The following PIEZO2 variants were observed in gnomAD, a reference collection of about 807,000 sequenced individuals.
The protein encoded by PIEZO2 is piezo type mechanosensitive ion channel component 2, also known as piezo-type mechanosensitive ion channel component 2.
In PIEZO2, 172 loss-of-function variants were observed where a neutral mutation model predicts 337.3. The ratio of observed to expected loss-of-function variants is 0.51; its 90% CI spans 0.45 to 0.58. The LOEUF (loss-of-function observed/expected upper bound fraction) is 0.58, where lower values mean the gene tolerates loss of function less well. Ranked by LOEUF, PIEZO2 falls within the 20% of genes least tolerant of loss-of-function variation. The pLI is 0.00. For synonymous variants in PIEZO2, 1,251 were observed against 1,228.5 expected, an observed-to-expected ratio of 1.02 and a Z score of -0.38; for missense variants, 3,028 against 3,391.3, an observed-to-expected ratio of 0.89 and a Z score of 2.66.
Position 11,106,418 on chromosome 18 carries a change from C to CT in PIEZO2, c.65-40197dup, listed in dbSNP as rs539595699. On this transcript the variant is annotated intron_variant, in intron 1 of 55. Coordinates refer to ENST00000674853, the MANE Select transcript of PIEZO2 (RefSeq NM_001378183.1). ...CGGCCCATTTTTTTCTTTCCTCTCT[C>CT]TTTTTTTTTTTTTTTTTCTGAGACA... 7.2e-3 allele frequency among the ~76,000 whole-genome samples: 935 copies of CT among 129,586 alleles called. 19 individuals carry two copies. The highest frequency in any genetic ancestry group is 0.018 in the South Asian group (73 of 4,118). 85.0% of individuals were successfully genotyped at this position (129,586 alleles called of 152,430 possible). A position where few individuals can be genotyped will look rare whatever the true frequency, so the allele number is the denominator to read the frequency against.
intron 35 of PIEZO2, among the ~76,000 whole-genome samples, chr18:10,731,815 C>G (rs2036799786): frequency 6.6e-6 from 1 of 152,202 alleles, no homozygotes; most frequent in South Asian, 2.1e-4. Context: ...ATACTTATTA[C>G]TGATGCTTTT....
chr18:11,038,532 T>C lies in PIEZO2; in HGVS notation c.160+27595A>G, dbSNP rs2037002796. Among the ~76,000 whole-genome samples the C allele has an allele frequency of 1.3e-5, 2 of 152,146 alleles. No homozygotes were observed. The highest frequency in any genetic ancestry group is 2.1e-4 in the South Asian group (1 of 4,832). On this transcript the variant is annotated intron_variant, in intron 2 of 55. Coordinates refer to ENST00000674853, the MANE Select transcript of PIEZO2 (RefSeq NM_001378183.1). The surrounding 1 kb of genome is among the most constrained non-coding windows in gnomAD (Gnocchi z 4.1). ...ACACCCATTGAGATATGGGAGGCAG[T>C]ACTCCTCCTGCAAACCCCTGGATGA... is the stretch of plus-strand genomic sequence containing the variant.
rs183167814 is a variant in PIEZO2 at position 11,081,781 on chromosome 18, A to T, written c.65-15559T>A. On this transcript the variant is annotated intron_variant, in intron 1 of 55. Transcript: ENST00000674853. ...CAACTTTTTTTTTTTTTTTTTTGAG[A>T]TGGAGTCTTGCTCTGTCGCCCAGGC... is the stretch of plus-strand genomic sequence containing the variant. 1.7e-3 allele frequency among the ~76,000 whole-genome samples: 251 copies of T among 145,544 alleles called. 1 individual carries two copies. Among genetic ancestry groups the T allele is most frequent in the Middle Eastern group, 3.6e-3 (1 of 278 alleles).
At chr18:10,946,578 T>A (rs943671928) in intron 3 of PIEZO2, among the ~76,000 whole-genome samples, 1 of 152,158 alleles carries the variant, frequency 6.6e-6, no homozygotes, top group Non-Finnish European at 1.5e-5. Context: ...TAAGACAGTG[T>A]CATCAGGGTT....
intron 53 of PIEZO2, among the ~76,000 whole-genome samples, chr18:10,675,502 T>C (rs762457044): frequency 2.6e-5 from 4 of 152,232 alleles, no homozygotes; most frequent in African/African-American, 9.6e-5. Context: ...TGTATCTGCA[T>C]GTAAGTCTGT....
rs566587931 is a variant in PIEZO2, at chr18:10,863,510, G to A, written c.493-6299C>T. On this transcript the variant is annotated intron_variant, in intron 5 of 55. Transcript: ENST00000674853. The surrounding 1 kb of genome is among the most constrained non-coding windows in gnomAD (Gnocchi z 4.3). ...TACAAAGCAATGAAAGTTTAATAAA[G>A]AACAGGGAAGGACAAACTGAATCAG... 2.0e-5 allele frequency among the ~76,000 whole-genome samples: 3 copies of A among 152,258 alleles called. No homozygotes were observed. In the East Asian group the frequency reaches 5.8e-4, roughly 29 times the overall value.
At chr18:11,045,559 A>G (rs893539428) in intron 2 of PIEZO2, among the ~76,000 whole-genome samples, 1 of 152,152 alleles carries the variant, frequency 6.6e-6, no homozygotes, top group Non-Finnish European at 1.5e-5. Flanking sequence ...AGATGAACGG[A>G]CACTTGTTTA....
At chr18:11,036,442 A>C (rs2036926864) in intron 2 of PIEZO2, among the ~76,000 whole-genome samples, 1 of 152,136 alleles carries the variant, frequency 6.6e-6, no homozygotes, top group Admixed American at 6.5e-5. Context: ...TCCCCCGGTA[A>C]AGCTGCAAGA....
Position 10,715,862 on chromosome 18 carries a change from T to C in PIEZO2, c.5090-46A>G, listed in dbSNP as rs1260370168. 5.6e-6 allele frequency: 8 copies of C among 1,417,558 alleles called. No homozygotes were observed. In the East Asian group the frequency reaches 1.8e-4, roughly 31 times the overall value. The allele number at this position is 1,417,558 out of a possible 1,614,324, so 87.8% of individuals were successfully genotyped here. A position where few individuals can be genotyped will look rare whatever the true frequency, so the allele number is the denominator to read the frequency against. ...AAGATGTTAAAGGAACAAAATACCA[T>C]TGATTTTACTTTTGTGTAGCCCAGC... is the stretch of plus-strand genomic sequence containing the variant. On this transcript the variant is annotated intron_variant, in intron 37 of 55. Coordinates refer to ENST00000674853, the MANE Select transcript of PIEZO2 (RefSeq NM_001378183.1).
At chr18:10,693,356 T>TGTG (rs2034937855) in intron 47 of PIEZO2, among the ~76,000 whole-genome samples, 8 of 89,974 alleles carry the variant, frequency 8.9e-5, no homozygotes, top group East Asian at 3.1e-4. Context: ...AATCTGGATT[T>TGTG]TGTGTGTGTG....
At chr18:10,928,289 A>G (rs567461409) in intron 3 of PIEZO2, among the ~76,000 whole-genome samples, 84 of 152,174 alleles carry the variant, frequency 5.5e-4, no homozygotes, top group Non-Finnish European at 1.0e-3. Context: ...CGTTTCATCA[A>G]GCCTGTCAAA....
rs2040255334 is a variant in PIEZO2 at position 11,128,631 on chromosome 18, G to A, written c.64+19894C>T. Among the ~76,000 whole-genome samples the A allele has an allele frequency of 6.6e-6, 1 of 152,068 alleles. No homozygotes were observed. The highest frequency in any genetic ancestry group is 1.5e-5 in the Non-Finnish European group (1 of 68,002). ...GGACATAAACCCTGCGCTGCCTGAG[G>A]CAACAGTGATGGCCTCCCCTGAAGC... On this transcript the variant is annotated intron_variant, in intron 1 of 55. Transcript: ENST00000674853. The surrounding 1 kb of genome is among the most constrained non-coding windows in gnomAD (Gnocchi z 4.1).
chr18:11,133,155 T>C (rs557998531), intron 1 of PIEZO2, among the ~76,000 whole-genome samples: 5 of 152,384 alleles, frequency 3.3e-5, no homozygotes, highest in African/African-American at 1.2e-4. Context: ...TGTGCATGTA[T>C]ACACTTGTAC....
In PIEZO2 at chr18:10,895,292, A is replaced by T. The variant is rs1426101163; in HGVS notation, c.329+15894T>A. Among the ~76,000 whole-genome samples the T allele has an allele frequency of 6.6e-6, 1 of 152,022 alleles. No homozygotes were observed. Among genetic ancestry groups the T allele is most frequent in the African/African-American group, 2.4e-5 (1 of 41,376 alleles). ...GAAACCCCATTTCTACTAAAAATACAAAAATTAGCTGGGTATGTTGGTGCG... is the reference window on the plus strand; with the variant it reads ...GAAACCCCATTTCTACTAAAAATACTAAAATTAGCTGGGTATGTTGGTGCG... On this transcript the variant is annotated intron_variant, in intron 4 of 55. Coordinates refer to ENST00000674853, the MANE Select transcript of PIEZO2 (RefSeq NM_001378183.1). The surrounding 1 kb of genome is among the most constrained non-coding windows in gnomAD (Gnocchi z 4.8).
chr18:10,983,949 C>A (rs933175685), intron 2 of PIEZO2, among the ~76,000 whole-genome samples: 1 of 152,100 alleles, frequency 6.6e-6, no homozygotes, highest in Non-Finnish European at 1.5e-5. Context: ...AGAAGGCACA[C>A]AATCCTAAGA....
At chr18:10,722,134 A>G (rs1240591363) in intron 36 of PIEZO2, among the ~76,000 whole-genome samples, 3 of 139,332 alleles carry the variant, frequency 2.2e-5, no homozygotes, top group Non-Finnish European at 4.6e-5. Flanking sequence ...CTGGCAACAG[A>G]GCAAGACTCC....
At chr18:10,915,942 TGGTGC>T in intron 3 of PIEZO2, among the ~76,000 whole-genome samples, 1 of 1,248 alleles carries the variant, frequency 8.0e-4, no homozygotes, top group East Asian at 0.056. Context: ...GAGTGCTGAT[TGGTGC>T]ATTTACAAAC....
chr18:10,691,158 G>T, intron 48 of PIEZO2, 67 bp downstream of exon 48: 1 of 1,521,534 alleles, frequency 6.6e-7, no homozygotes, highest in South Asian at 1.2e-5. Flanking sequence ...TCCCAGTTGG[G>T]AATCAAAATG....
chr18:11,004,220 G>C (rs1344956794), intron 2 of PIEZO2, among the ~76,000 whole-genome samples: 1 of 152,128 alleles, frequency 6.6e-6, no homozygotes, highest in Non-Finnish European at 1.5e-5. Context: ...CCATTCCTGA[G>C]TCCCCCTGGA....
Sources: allele counts gnomAD v4.1 joint callset (sites outside exome capture counted in the v4.1 genomes callset), GRCh38; gene constraint gnomAD v4.1.1; non-coding constraint Gnocchi (gnomAD v3.1); transcripts MANE v1.5; gene names NCBI Gene and HGNC (gene_info 2026-07-23, HGNC 2026-07-21).